ETV1: variants seen among roughly 807,000 people sequenced by gnomAD.
The protein encoded by ETV1 is ETS translocation variant 1.
A neutral mutation model predicts 62.3 loss-of-function variants in ETV1; 27 were observed. The ratio of observed to expected loss-of-function variants is 0.43; its 90% CI spans 0.32 to 0.60. The LOEUF is 0.60. Among genes scored for constraint, ETV1 ranks in the 20% least tolerant of loss-of-function variants. ETV1 has a pLI of 0.06. For missense variants in ETV1, 605 were observed against 605.8 expected, an observed-to-expected ratio of 1.00 and a Z score of 0.01; for synonymous variants, 222 against 199.6, an observed-to-expected ratio of 1.11 and a Z score of -0.94.
chr7:13,941,004 A>AT (rs1192812443), intron 6 of ETV1, among the ~76,000 whole-genome samples: 1 of 152,264 alleles, frequency 6.6e-6, no homozygotes, highest in Non-Finnish European at 1.5e-5. Context: ...ATTTCAAAGC[A>AT]TTTTTTAATG....
At chr7:13,923,861 C>A (rs1444173793) in intron 9 of ETV1, among the ~76,000 whole-genome samples, 2 of 151,872 alleles carry the variant, frequency 1.3e-5, no homozygotes, top group Non-Finnish European at 2.9e-5. Context: ...GGAGAAACTC[C>A]GTCTCTACTA....
intron 5 of ETV1, among the ~76,000 whole-genome samples, chr7:13,984,260 T>C (rs1383198959): frequency 6.6e-6 from 1 of 151,978 alleles, no homozygotes; most frequent in African/African-American, 2.4e-5. Flanking sequence ...CTTTCTTGGC[T>C]ATGGAGCATT....
intron 9 of ETV1, among the ~76,000 whole-genome samples, chr7:13,915,864 A>G (rs554095069): frequency 5.9e-5 from 9 of 152,226 alleles, no homozygotes; most frequent in Non-Finnish European, 1.2e-4. Flanking sequence ...TGTGAGAATG[A>G]TAGCAAAAAA....
chr7:13,953,100 G>A (rs1789018949), intron 6 of ETV1, among the ~76,000 whole-genome samples: 1 of 152,160 alleles, frequency 6.6e-6, no homozygotes, highest in African/African-American at 2.4e-5. Context: ...TCCAGTAGAT[G>A]GAAAGCAGCA....
At chr7:13,930,869 C>T (rs1397201376) in intron 9 of ETV1, among the ~76,000 whole-genome samples, 3 of 151,260 alleles carry the variant, frequency 2.0e-5, no homozygotes, top group Non-Finnish European at 2.9e-5. Context: ...GGTGCGATCT[C>T]GGCTCACTGC....
chr7:13,910,797 A>G (rs1783484051), intron 10 of ETV1, among the ~76,000 whole-genome samples: 1 of 152,204 alleles, frequency 6.6e-6, no homozygotes, highest in Non-Finnish European at 1.5e-5. Flanking sequence ...GTGAAATCTC[A>G]TTCATATAAA....
At chr7:13,900,075 A>G (rs542405393) in intron 13 of ETV1, among the ~76,000 whole-genome samples, 2 of 152,202 alleles carry the variant, frequency 1.3e-5, no homozygotes, top group Non-Finnish European at 2.9e-5. Context: ...GTTGCAGTGA[A>G]CCAAGATCAC....
intron 6 of ETV1, among the ~76,000 whole-genome samples, chr7:13,954,803 T>C (rs1789227268): frequency 6.6e-6 from 1 of 152,164 alleles, no homozygotes; most frequent in African/African-American, 2.4e-5. Context: ...CACTAGTCAC[T>C]TGGCTCCTTG....
chr7:13,906,053 C>T (rs1782922902), intron 12 of ETV1: 1 of 163,302 alleles, frequency 6.1e-6, no homozygotes, highest in Admixed American at 6.4e-5. Flanking sequence ...TTCACCCATC[C>T]CCCAACCAGT....
Position 13,911,286 on chromosome 7 carries a change from A to G in ETV1, c.824T>C (p.Ile275Thr). The part of the protein sequence containing the change: ...YDSEVPSCHS[I>T]YMRQEGFLAH... ...CAGGAAGCCTTCTTGCCTCATATAA[A>G]TGGAGTGGCAGCTAGGCACTTCTGA... Residue 275 changes from isoleucine (I) to threonine (T), a missense_variant, in exon 10 of 14, where the codon ATT (isoleucine) becomes ACT (threonine). By Grantham distance (89) the Ile-to-Thr change is moderately conservative. Around this residue, in one of 3 missense-constraint regions of ETV1, gnomAD observed 426 missense variants for 377.8 expected, o/e 1.13. Coordinates refer to ENST00000430479, the MANE Select transcript of ETV1 (RefSeq NM_004956.5). 1 of 1,612,778 alleles carries G rather than the reference A, an allele frequency of 6.2e-7. No individual in the cohort carries two copies. The highest frequency in any genetic ancestry group is 1.1e-5 in the South Asian group (1 of 90,954).
intron 8 of ETV1, among the ~76,000 whole-genome samples, chr7:13,933,823 G>T (rs1045937092): frequency 6.6e-6 from 1 of 152,194 alleles, no homozygotes; most frequent in Non-Finnish European, 1.5e-5. Context: ...GGAGTTCCGG[G>T]CCGGCTGTTC....
At chr7:13,931,061 C>T (rs770329110) in intron 9 of ETV1, among the ~76,000 whole-genome samples, 19 of 152,032 alleles carry the variant, frequency 1.2e-4, no homozygotes, top group Admixed American at 9.2e-4. Context: ...GGATTACAGG[C>T]GTGATCCACT....
intron 6 of ETV1, among the ~76,000 whole-genome samples, chr7:13,951,490 G>A (rs1027985781): frequency 1.8e-4 from 28 of 152,148 alleles, no homozygotes; most frequent in Admixed American, 2.0e-4. Context: ...GCCACACTAC[G>A]TATAAAGTGT....
At chr7:13,988,547 T>TC in intron 3 of ETV1, 8 of 337,724 alleles carry the variant, frequency 2.4e-5, no homozygotes, top group Non-Finnish European at 3.6e-5. Context: ...CAGCCCCTCC[T>TC]CCCCACCCCA....
At chr7:13,951,382 G>A (rs928869349) in intron 6 of ETV1, among the ~76,000 whole-genome samples, 1 of 152,082 alleles carries the variant, frequency 6.6e-6, no homozygotes, top group Non-Finnish European at 1.5e-5. Context: ...CTATAAGACT[G>A]GGCAATCCAC....
chr7:13,905,788 C>T (rs1421542385), intron 12 of ETV1, among the ~76,000 whole-genome samples: 1 of 152,094 alleles, frequency 6.6e-6, no homozygotes, highest in Non-Finnish European at 1.5e-5. Flanking sequence ...CCCAACCTTC[C>T]AATGGAGTAT....
intron 9 of ETV1, among the ~76,000 whole-genome samples, chr7:13,927,400 C>T (rs1156602782): frequency 2.0e-5 from 3 of 152,014 alleles, no homozygotes; most frequent in South Asian, 2.1e-4. Context: ...TGCAGTGAGC[C>T]GAAATCACAC....
At position 13,895,981 on chromosome 7, in the gene ETV1, C is replaced by T. The variant is rs1326846768; in HGVS notation, c.1319G>A (p.Arg440His). 3.0e-5 allele frequency: 48 copies of T among 1,613,632 alleles called. No individual in the cohort carries two copies. The highest frequency in any genetic ancestry group is 4.0e-5 in the Non-Finnish European group (47 of 1,179,754). Residue 440 changes from arginine (R) to histidine (H), a missense_variant, in exon 14 of 14, where the codon CGT becomes CAT. Coordinates refer to ENST00000430479, the MANE Select transcript of ETV1 (RefSeq NM_004956.5). ...CACTGTGTCCTCCTCGTTGATGTGA[C>T]GTTCCATGTCTGTCTTCAGCAGTGG... is the stretch of plus-strand genomic sequence containing the variant. ...QRPLLKTDME[R>H]HINEEDTVPL...
rs1444034859 is a variant in ETV1 at position 13,894,369 on chromosome 7, AC to A, written c.*1496del. The A allele has an allele frequency of 4.3e-6, 1 of 232,676 alleles. No homozygotes were observed. Among genetic ancestry groups the A allele is most frequent in the African/African-American group, 2.2e-5 (1 of 45,300 alleles). 14.4% of individuals were successfully genotyped at this position (232,676 alleles called of 1,614,324 possible). A position where few individuals can be genotyped will look rare whatever the true frequency, so the allele number is the denominator to read the frequency against. On this transcript the variant is annotated 3_prime_UTR_variant, in exon 14 of 14. Coordinates refer to ENST00000430479, the MANE Select transcript of ETV1 (RefSeq NM_004956.5). Reference sequence around the variant, plus strand: ...TCTCCAAATGCAAAGCAAAAACAGAACAAAAAACTTTGAAACTTTAAATCTT... The same window carrying A: ...TCTCCAAATGCAAAGCAAAAACAGAAAAAAAACTTTGAAACTTTAAATCTT...
Sources: gnomAD v4.1 joint callset for allele counts (sites outside exome capture counted in the v4.1 genomes callset) on GRCh38, gnomAD v4.1.1 for gene constraint, gnomAD v4.1.1 regional missense constraint, MANE v1.5 for transcripts, NCBI Gene and HGNC (gene_info 2026-07-23, HGNC 2026-07-21) for gene names.